Variants in ZNF385B observed in about 807,000 individuals in gnomAD.
ZNF385B encodes zinc finger protein 533.
In ZNF385B, 23 loss-of-function variants were observed where a neutral mutation model predicts 39.2. The ratio of observed to expected loss-of-function variants is 0.59; its 90% confidence interval spans 0.42 to 0.83. The LOEUF (loss-of-function observed/expected upper bound fraction) is 0.83. Among genes scored for constraint, ZNF385B ranks in the 40% least tolerant of loss-of-function variants. The pLI, the probability that ZNF385B is intolerant of heterozygous loss-of-function variation, is 0.00. For missense variants in ZNF385B, 552 were observed against 598.9 expected (o/e 0.92, Z 0.82); for synonymous variants, 205 against 222.6 (o/e 0.92, Z 0.70).
At chr2:179,495,644 G>A (rs1421060027) in intron 5 of ZNF385B, among the ~76,000 whole-genome samples, 1 of 152,130 alleles carries the variant, frequency 6.6e-6, no homozygotes. Context: ...CCAGCTTTAG[G>A]TGGTTTAGAA....
intron 3 of ZNF385B, among the ~76,000 whole-genome samples, chr2:179,670,219 G>A (rs900133750): frequency 6.6e-6 from 1 of 150,878 alleles, no homozygotes; most frequent in African/African-American, 2.4e-5. Flanking sequence ...GTGAACCCGG[G>A]AGGCGGAGCT....
intron 1 of ZNF385B, chr2:179,814,729 C>CT: frequency 4.8e-6 from 1 of 208,650 alleles, no homozygotes; most frequent in Non-Finnish European, 9.9e-6. Context: ...ATGTAGAAAC[C>CT]TTTTAAACTA....
intron 3 of ZNF385B, among the ~76,000 whole-genome samples, chr2:179,603,270 T>C (rs1218105495): frequency 2.6e-5 from 4 of 152,162 alleles, no homozygotes; most frequent in African/African-American, 4.8e-5. Context: ...CCCATCTTTA[T>C]AGGGCTGCAT....
At chr2:179,613,563 A>G (rs941415754) in intron 3 of ZNF385B, among the ~76,000 whole-genome samples, 7 of 152,128 alleles carry the variant, frequency 4.6e-5, no homozygotes, top group Non-Finnish European at 7.4e-5. Flanking sequence ...CCAGAAGCTA[A>G]GGACTAGAAT....
At chr2:179,533,134 T>C (rs2059356477) in intron 4 of ZNF385B, among the ~76,000 whole-genome samples, 1 of 152,210 alleles carries the variant, frequency 6.6e-6, no homozygotes, top group African/African-American at 2.4e-5. Context: ...AATGCTTCTT[T>C]AGAAGCTACT....
intron 5 of ZNF385B, among the ~76,000 whole-genome samples, chr2:179,490,570 G>A (rs1331685856): frequency 1.3e-5 from 2 of 151,422 alleles, no homozygotes; most frequent in African/African-American, 4.9e-5. Context: ...TTTACATGAT[G>A]AATTAGAAAG....
intron 1 of ZNF385B, among the ~76,000 whole-genome samples, chr2:179,847,244 G>A (rs1177486345): frequency 6.6e-6 from 1 of 152,024 alleles, no homozygotes; most frequent in Non-Finnish European, 1.5e-5. Context: ...TTTCTGAGTG[G>A]TCCCCACACT....
At chr2:179,486,585 T>C (rs953816018) in intron 5 of ZNF385B, among the ~76,000 whole-genome samples, 2 of 152,196 alleles carry the variant, frequency 1.3e-5, no homozygotes, top group African/African-American at 4.8e-5. Context: ...GGAAATATGC[T>C]AATATTAAAC....
intron 3 of ZNF385B, among the ~76,000 whole-genome samples, chr2:179,677,419 G>T (rs1188852517): frequency 1.3e-5 from 2 of 152,124 alleles, no homozygotes; most frequent in African/African-American, 2.4e-5. Context: ...TGATTCCAGA[G>T]AAAATAATTG....
At chr2:179,455,707 A>G (rs890272791) in intron 6 of ZNF385B, among the ~76,000 whole-genome samples, 3 of 150,752 alleles carry the variant, frequency 2.0e-5, no homozygotes, top group Non-Finnish European at 4.4e-5. Flanking sequence ...GGCCAACATG[A>G]TGAAATCCCG....
chr2:179,840,720 T>C (rs1329671329), intron 1 of ZNF385B, among the ~76,000 whole-genome samples: 1 of 152,252 alleles, frequency 6.6e-6, no homozygotes, highest in African/African-American at 2.4e-5. Context: ...ATTCATCAAG[T>C]ACTAGTGAGT....
chr2:179,845,106 C>T (rs1487105426), intron 1 of ZNF385B, among the ~76,000 whole-genome samples: 1 of 152,070 alleles, frequency 6.6e-6, no homozygotes, highest in African/African-American at 2.4e-5. Context: ...CTCTAATAGC[C>T]CTACACGTAG....
intron 1 of ZNF385B, among the ~76,000 whole-genome samples, chr2:179,773,260 C>T (rs1704117900): frequency 1.3e-5 from 2 of 152,154 alleles, no homozygotes; most frequent in African/African-American, 4.8e-5. Context: ...CAAGAGTGGC[C>T]ACATCAGATG....
chr2:179,734,119 C>A (rs1701585427), intron 3 of ZNF385B, among the ~76,000 whole-genome samples: 1 of 152,180 alleles, frequency 6.6e-6, no homozygotes, highest in African/African-American at 2.4e-5. Flanking sequence ...CATAATATCA[C>A]ATGGCATGGA....
chr2:179,488,142 CTT>C (rs759225998), intron 5 of ZNF385B, among the ~76,000 whole-genome samples: 1 of 151,922 alleles, frequency 6.6e-6, no homozygotes, highest in Non-Finnish European at 1.5e-5. Flanking sequence ...TTACTTATTT[CTT>C]TTCTTTTCTT....
At chr2:179,571,222 T>G (rs1685177587) in intron 3 of ZNF385B, among the ~76,000 whole-genome samples, 1 of 152,158 alleles carries the variant, frequency 6.6e-6, no homozygotes, top group Non-Finnish European at 1.5e-5. Context: ...TCCAAACATC[T>G]TTTTATGGAG....
intron 3 of ZNF385B, among the ~76,000 whole-genome samples, chr2:179,757,091 G>A (rs1459125081): frequency 6.7e-6 from 1 of 148,502 alleles, no homozygotes; most frequent in South Asian, 2.1e-4. Flanking sequence ...CATCTTTGTG[G>A]TTTTATCTAC....
chr2:179,644,070 T>C (rs1692502047), intron 3 of ZNF385B, among the ~76,000 whole-genome samples: 2 of 152,072 alleles, frequency 1.3e-5, no homozygotes, highest in Admixed American at 1.3e-4. Context: ...TACTAAAGTT[T>C]AACCATATTT....
intron 1 of ZNF385B, among the ~76,000 whole-genome samples, chr2:179,805,415 T>C (rs1706288617): frequency 6.6e-6 from 1 of 152,232 alleles, no homozygotes; most frequent in African/African-American, 2.4e-5. Context: ...TTTTGGGTTG[T>C]TATAGCAAGA....
Sources: gnomAD v4.1 joint callset for allele counts (sites outside exome capture counted in the v4.1 genomes callset) on GRCh38, gnomAD v4.1.1 for gene constraint, MANE v1.5 for transcripts, NCBI Gene and HGNC (gene_info 2026-07-23, HGNC 2026-07-21) for gene names.